Variants in THSD7B observed in about 807,000 individuals in gnomAD.
THSD7B encodes thrombospondin type-1 domain-containing protein 7B.
A neutral mutation model predicts 213.6 loss-of-function variants in THSD7B; 138 were observed. That is an observed-to-expected ratio of 0.65 (90% CI 0.56 to 0.74). THSD7B has a LOEUF of 0.74. Ranked by LOEUF, THSD7B falls within the 30% of genes least tolerant of loss-of-function variation. The probability of loss-of-function intolerance (pLI) is 0.00; values close to 1 mark genes in which losing one functional copy is unlikely to be tolerated. For missense variants in THSD7B, 1,931 were observed against 1,991.5 expected, an observed-to-expected ratio of 0.97 and a Z score of 0.58; for synonymous variants, 742 against 687.0, an observed-to-expected ratio of 1.08 and a Z score of -1.25.
chr2:136,860,108 C>T (rs1040156274), intron 1 of THSD7B, among the ~76,000 whole-genome samples: 2 of 150,016 alleles, frequency 1.3e-5, no homozygotes, highest in African/African-American at 2.5e-5. Flanking sequence ...AGCTCTGCCT[C>T]CCGGGTTCAC....
chr2:136,877,432 C>G (rs1683543105), intron 1 of THSD7B, among the ~76,000 whole-genome samples: 1 of 152,106 alleles, frequency 6.6e-6, no homozygotes, highest in Admixed American at 6.5e-5. Context: ...ACAGGCCACT[C>G]TTGGAGAAAA....
At position 136,791,724 on chromosome 2, in the gene THSD7B, ATTTC is replaced by A. The variant is rs1681967745; in HGVS notation, c.-36+26045_-36+26048del. Among the ~76,000 whole-genome samples the A allele has an allele frequency of 4.6e-5, 7 of 152,050 alleles. 1 individual carries two copies. In the South Asian group the frequency reaches 1.5e-3, roughly 32 times the overall value. On this transcript the variant is annotated intron_variant, in intron 1 of 27. Transcript: ENST00000409968. ...TCTGTGTTCATGAATATGTACCAGT[ATTTC>A]TTTCTTTTTATTGTCTACTAATATT...
intron 25 of THSD7B, among the ~76,000 whole-genome samples, chr2:137,662,229 ATTTTTTTTTTTTCT>A (rs1004416599): frequency 4.9e-5 from 5 of 101,836 alleles, no homozygotes; most frequent in African/African-American, 1.2e-4. Context: ...CGCCCGGCTA[ATTTTTTTTTTTTCT>A]TTTTTTTTTT....
chr2:137,276,995 T>C (rs112719224), intron 12 of THSD7B, among the ~76,000 whole-genome samples: 1 of 152,100 alleles, frequency 6.6e-6, no homozygotes, highest in Admixed American at 6.6e-5. Flanking sequence ...TAAGACATTT[T>C]ACTTTCATAT....
chr2:137,172,610 C>G (rs923766444), intron 7 of THSD7B, among the ~76,000 whole-genome samples: 2 of 152,108 alleles, frequency 1.3e-5, no homozygotes, highest in African/African-American at 4.8e-5. Flanking sequence ...TTGTAATATC[C>G]TTTATGATAA....
At chr2:137,224,762 C>T (rs935889298) in intron 7 of THSD7B, among the ~76,000 whole-genome samples, 6 of 152,190 alleles carry the variant, frequency 3.9e-5, no homozygotes, top group South Asian at 2.1e-4. Context: ...AGCTCCGCCT[C>T]CCGGGTTCAC....
chr2:137,358,049 CTCTTT>C (rs940758849), intron 12 of THSD7B, among the ~76,000 whole-genome samples: 2 of 152,204 alleles, frequency 1.3e-5, no homozygotes, highest in South Asian at 2.1e-4. Context: ...ATTTTCTTTT[CTCTTT>C]TCTTTCCTTT....
intron 2 of THSD7B, among the ~76,000 whole-genome samples, chr2:136,985,939 T>C (rs1685665504): frequency 6.6e-6 from 1 of 152,194 alleles, no homozygotes; most frequent in African/African-American, 2.4e-5. Flanking sequence ...GGAGATTATT[T>C]TAGAGCTTTA....
chr2:136,950,360 C>T (rs1685015301), intron 2 of THSD7B, among the ~76,000 whole-genome samples: 1 of 152,090 alleles, frequency 6.6e-6, no homozygotes, highest in Non-Finnish European at 1.5e-5. Flanking sequence ...TGCAGCAAAC[C>T]ACCATGGCAC....
intron 21 of THSD7B, among the ~76,000 whole-genome samples, chr2:137,643,916 A>G (rs1331344837): frequency 6.6e-6 from 1 of 152,218 alleles, no homozygotes. Context: ...CTTCTCAGGT[A>G]TCAGGAATCT....
At chr2:137,205,509 T>C (rs1680967307) in intron 7 of THSD7B, among the ~76,000 whole-genome samples, 1 of 152,110 alleles carries the variant, frequency 6.6e-6, no homozygotes, top group Non-Finnish European at 1.5e-5. Flanking sequence ...TTATGTAGTT[T>C]TTGTTCCTTT....
intron 15 of THSD7B, among the ~76,000 whole-genome samples, chr2:137,462,308 A>G (rs1015114584): frequency 1.2e-4 from 18 of 152,072 alleles, no homozygotes; most frequent in African/African-American, 4.3e-4. Flanking sequence ...AGCTTCTTCA[A>G]GTTATAAAAG....
intron 3 of THSD7B, among the ~76,000 whole-genome samples, chr2:137,074,362 T>A (rs1455810343): frequency 6.6e-6 from 1 of 152,154 alleles, no homozygotes; most frequent in Non-Finnish European, 1.5e-5. Flanking sequence ...TCTCTTTTGA[T>A]CTTTGTTGGT....
intron 1 of THSD7B, among the ~76,000 whole-genome samples, chr2:136,781,464 G>C (rs1681741977): frequency 6.6e-6 from 1 of 151,024 alleles, no homozygotes; most frequent in Non-Finnish European, 1.5e-5. Flanking sequence ...TAGAGACACG[G>C]TTTCACCATG....
intron 25 of THSD7B, among the ~76,000 whole-genome samples, chr2:137,660,472 A>C (rs1558874934): frequency 6.6e-6 from 1 of 152,218 alleles, no homozygotes; most frequent in Non-Finnish European, 1.5e-5. Context: ...GGCCTTACAA[A>C]TCAAGATGGG....
chr2:137,468,351 G>C (rs1688030634), intron 15 of THSD7B, among the ~76,000 whole-genome samples: 1 of 152,084 alleles, frequency 6.6e-6, no homozygotes, highest in Non-Finnish European at 1.5e-5. Flanking sequence ...CTTAGCAAGT[G>C]CAAGGCAATG....
At chr2:137,430,473 T>A (rs938614014) in intron 14 of THSD7B, among the ~76,000 whole-genome samples, 5 of 152,178 alleles carry the variant, frequency 3.3e-5, no homozygotes, top group Admixed American at 2.0e-4. Flanking sequence ...TAAAAATACA[T>A]TTACCCAACA....
At chr2:136,910,272 G>A (rs143561624) in intron 2 of THSD7B, among the ~76,000 whole-genome samples, 166 of 152,160 alleles carry the variant, frequency 1.1e-3, no homozygotes, top group Non-Finnish European at 1.8e-3. Flanking sequence ...AGTTCAGAGA[G>A]GAAGGGCTAA....
intron 17 of THSD7B, among the ~76,000 whole-genome samples, chr2:137,575,140 A>G (rs1681432031): frequency 6.6e-6 from 1 of 152,090 alleles, no homozygotes; most frequent in South Asian, 2.1e-4. Flanking sequence ...CATCTGAGTT[A>G]CAGGTTTCTT....
Sources: allele counts gnomAD v4.1 joint callset (sites outside exome capture counted in the v4.1 genomes callset), GRCh38; gene constraint gnomAD v4.1.1; transcripts MANE v1.5; gene names NCBI Gene and HGNC (gene_info 2026-07-23, HGNC 2026-07-21).